The following SOWAHB variants were observed in gnomAD, a reference collection of about 807,000 sequenced individuals.
The protein encoded by SOWAHB is sosondowah ankyrin repeat domain family member B, also known as ankyrin repeat domain-containing protein SOWAHB.
A neutral mutation model predicts 18.3 loss-of-function variants in SOWAHB; 17 were observed. The ratio of observed to expected loss-of-function variants is 0.93; its 90% CI spans 0.64 to 1.40. The LOEUF (loss-of-function observed/expected upper bound fraction) is 1.40, where lower values mean the gene tolerates loss of function less well. Ranked by LOEUF, SOWAHB falls within the 40% of genes most tolerant of loss-of-function variation. SOWAHB has a pLI of 0.00. For missense variants in SOWAHB, 1,126 were observed against 1,033.7 expected (o/e 1.09, Z -1.22); for synonymous variants, 496 against 448.1 (o/e 1.11, Z -1.35).
chr4:76,896,532 CA>C lies in SOWAHB; in HGVS notation c.1317del (p.Gly441AlafsTer42). 6.2e-7 allele frequency: 1 copy of C among 1,613,078 alleles called. No individual in the cohort carries two copies. The highest frequency in any genetic ancestry group is 8.5e-7 in the Non-Finnish European group (1 of 1,179,862). On this transcript the variant is annotated frameshift_variant, in exon 1 of 1. Coordinates refer to ENST00000334306, the MANE Select transcript of SOWAHB (RefSeq NM_001029870.3). LOFTEE classifies it low-confidence loss of function (END_TRUNC). ...TPDRGKLRNP[A>X]GGLSVSRKEG... ...TCCTTCCGAGATACAGAAAGGCCCC[CA>C]GCTGGATTCCTGAGCTTCCCCCTAT... is the stretch of plus-strand genomic sequence containing the variant.
rs184286603 is a variant in SOWAHB at position 76,896,796 on chromosome 4, G to A, written c.1054C>T (p.Pro352Ser). Residue 352 changes from proline (P) to serine (S), a missense_variant, in exon 1 of 1, where the codon CCA becomes TCA. Pro to Ser is a moderately conservative substitution (Grantham distance 74). Transcript: ENST00000334306. Reference sequence around the variant, plus strand: ...GAGTGCGAGGAAAGACAGGGGTCTGGCGGCTCTGAATTAGGCTCCGTGGAG... The same window carrying A: ...GAGTGCGAGGAAAGACAGGGGTCTGACGGCTCTGAATTAGGCTCCGTGGAG... ...PGSTEPNSEPPDPCLSSHSLF... is the reference protein window; with the variant it reads ...PGSTEPNSEPSDPCLSSHSLF... 2 of 1,613,902 alleles carry A rather than the reference G, an allele frequency of 1.2e-6. No individual in the cohort carries two copies. The highest frequency in any genetic ancestry group is 2.7e-5 in the African/African-American group (2 of 75,074).
chr4:76,897,876 T>A lies in SOWAHB; in HGVS notation c.-27A>T. 6.4e-7 allele frequency: 1 copy of A among 1,570,520 alleles called. No individual in the cohort carries two copies. The highest frequency in any genetic ancestry group is 1.1e-5 in the South Asian group (1 of 88,718). On this transcript the variant is annotated 5_prime_UTR_variant, in exon 1 of 1. Transcript: ENST00000334306. This position sits in a 1 kb window ranked among gnomAD's most constrained non-coding sequence, Gnocchi z 6.4. ...GCTGCCTTGTCCTCCGCCCCAGAGG[T>A]GTCTGAGTCTCGCCCTCCCGGGGCT...
In SOWAHB at chr4:76,898,034, C is replaced by G. The variant is rs2703128; in HGVS notation, c.-185G>C. 0.3 allele frequency: 189,542 copies of G among 621,874 alleles called. 30,375 individuals carry two copies. Among genetic ancestry groups the G allele is most frequent in the African/African-American group, 0.45 (23,009 of 51,486 alleles). 38.5% of individuals were successfully genotyped at this position (621,874 alleles called of 1,614,324 possible). On this transcript the variant is annotated 5_prime_UTR_variant, in exon 1 of 1. Coordinates refer to ENST00000334306, the MANE Select transcript of SOWAHB (RefSeq NM_001029870.3). ...GCGCCAGGAGGGCCGTGGGTCCCCT[C>G]CGGGTGGCCCCAAGGCTGAGTCCCC...
Position 76,894,915 on chromosome 4 carries a change from A to G in SOWAHB, c.*553T>C, listed in dbSNP as rs1348284534. On this transcript the variant is annotated 3_prime_UTR_variant, in exon 1 of 1. Transcript: ENST00000334306. The stretch of plus-strand genomic sequence containing the variant: ...AGAACAGGGCTGAGGAATCTCTTAA[A>G]TCGAACTGTGCTCTCCAGTAATAAT... 6.6e-6 allele frequency: 1 copy of G among 152,320 alleles called. No individual in the cohort carries two copies. Among genetic ancestry groups the G allele is most frequent in the Non-Finnish European group, 1.5e-5 (1 of 68,114 alleles). The allele number at this position is 152,320 out of a possible 1,614,324, so 9.4% of individuals were successfully genotyped here.
rs761379601 is a variant in SOWAHB at position 76,894,422 on chromosome 4, A to G, written c.*1046T>C. Reference sequence around the variant, plus strand: ...AAAAGCAATTAAAAAGGAGCACTTCATGTTAGATATAGAGTACTTAAAGGC... The same window carrying G: ...AAAAGCAATTAAAAAGGAGCACTTCGTGTTAGATATAGAGTACTTAAAGGC... On this transcript the variant is annotated 3_prime_UTR_variant, in exon 1 of 1. Transcript: ENST00000334306. 1.3e-5 allele frequency among the ~76,000 whole-genome samples: 2 copies of G among 152,252 alleles called. No individual in the cohort carries two copies. Among genetic ancestry groups the G allele is most frequent in the Non-Finnish European group, 1.5e-5 (1 of 68,044 alleles).
chr4:76,895,322 G>A lies in SOWAHB; in HGVS notation c.*146C>T. On this transcript the variant is annotated 3_prime_UTR_variant, in exon 1 of 1. Coordinates refer to ENST00000334306, the MANE Select transcript of SOWAHB (RefSeq NM_001029870.3). ...GGATGACCCTCTTGAGGTCCAGGATGTAGTGACATAAGATCCAGGGAGGTC... is the reference window on the plus strand; with the variant it reads ...GGATGACCCTCTTGAGGTCCAGGATATAGTGACATAAGATCCAGGGAGGTC... 2.6e-6 allele frequency: 2 copies of A among 755,442 alleles called. No homozygotes were observed. Among genetic ancestry groups the A allele is most frequent in the Non-Finnish European group, 4.2e-6 (2 of 476,192 alleles). 46.8% of individuals were successfully genotyped at this position (755,442 alleles called of 1,614,324 possible). A position where few individuals can be genotyped will look rare whatever the true frequency, so the allele number is the denominator to read the frequency against.
Position 76,897,344 on chromosome 4 carries a change from T to G in SOWAHB, c.506A>C (p.Gln169Pro). 2 of 1,534,698 alleles carry G rather than the reference T, an allele frequency of 1.3e-6. No homozygotes were observed. Among genetic ancestry groups the G allele is most frequent in the South Asian group, 2.4e-5 (2 of 84,022 alleles). ...TGCAGCTGCGGGCACCGGCGGCCTC[T>G]GTCCGGGACTGCCCTTCGATCCGCC... The part of the protein sequence containing the change: ...KGGGSKGSPG[Q>P]RPPVPAAAAA... The change falls in exon 1 of 1, where the codon CAG becomes CCG. Residue 169 changes from glutamine to proline, a missense_variant. Transcript: ENST00000334306. This position sits in a 1 kb window ranked among gnomAD's most constrained non-coding sequence, Gnocchi z 6.4.
At position 76,895,559 on chromosome 4, in the gene SOWAHB, G is replaced by T; in HGVS notation, c.2291C>A (p.Ala764Glu). ...RSVTRKTSFAALLKSQHNKWK... is the reference protein window; with the variant it reads ...RSVTRKTSFAELLKSQHNKWK... ...CTTGTTGTGCTGACTTTTGAGTAGT[G>T]CAGCGAAGGAAGTTTTTCGGGTGAC... Residue 764 changes from alanine (A) to glutamate (E), a missense_variant, in exon 1 of 1, where the codon GCA (alanine) becomes GAA (glutamate). Transcript: ENST00000334306. 1 of 1,614,208 alleles carries T rather than the reference G, an allele frequency of 6.2e-7. No homozygotes were observed.
In SOWAHB at chr4:76,895,897, C is replaced by T; in HGVS notation, c.1953G>A (p.Val651=). The T allele has an allele frequency of 6.2e-7, 1 of 1,614,220 alleles. No homozygotes were observed. Residue 651 remains valine, a synonymous_variant, in exon 1 of 1, where the codon GTG becomes GTA. Transcript: ENST00000334306. ...CAATCCCTGCCTTCTTTGCTCCAGA[C>T]ACCAAGTCCTGAAGGGCCCTGAGGT... ...HGDLRALQDL[V]SGAKKAGIVL... is the part of the protein sequence containing the mutation.
chr4:76,897,675 C>T lies in SOWAHB; in HGVS notation c.175G>A (p.Ala59Thr), dbSNP rs904119851. The change falls in exon 1 of 1, where the codon GCC (alanine) becomes ACC (threonine). Residue 59 changes from alanine to threonine, a missense_variant. Ala to Thr is a moderately conservative substitution (Grantham distance 58). Coordinates refer to ENST00000334306, the MANE Select transcript of SOWAHB (RefSeq NM_001029870.3). This position sits in a 1 kb window ranked among gnomAD's most constrained non-coding sequence, Gnocchi z 6.4. ...CCGTCGGGGTCCTGGCGCACTGCGGCGACCGAGTTGACGAAGCCCTTGAAG... is the reference window on the plus strand; with the variant it reads ...CCGTCGGGGTCCTGGCGCACTGCGGTGACCGAGTTGACGAAGCCCTTGAAG... ...ELFKGFVNSV[A>T]AVRQDPDGTK... The T allele has an allele frequency of 3.7e-6, 6 of 1,612,254 alleles. No individual in the cohort carries two copies. Among genetic ancestry groups the T allele is most frequent in the Non-Finnish European group, 4.2e-6 (5 of 1,179,884 alleles).
In SOWAHB at chr4:76,896,802, C is replaced by G. The variant is rs373769722; in HGVS notation, c.1048G>C (p.Glu350Gln). 4 of 1,613,876 alleles carry G rather than the reference C, an allele frequency of 2.5e-6. No individual in the cohort carries two copies. The South Asian group carries it at 4.4e-5, about 18-fold the overall frequency. Reference protein sequence around the residue: ...LEPGSTEPNSEPPDPCLSSHS... With the variant: ...LEPGSTEPNSQPPDPCLSSHS... ...GAGGAAAGACAGGGGTCTGGCGGCT[C>G]TGAATTAGGCTCCGTGGAGCCGGGT... The change falls in exon 1 of 1, where the codon GAG (glutamate) becomes CAG (glutamine). Residue 350 changes from glutamate (E) to glutamine (Q), a missense_variant. Transcript: ENST00000334306.
chr4:76,898,124 C>A lies in SOWAHB; in HGVS notation c.-275G>T, dbSNP rs1719982540. 12 of 432,054 alleles carry A rather than the reference C, an allele frequency of 2.8e-5. No homozygotes were observed. The East Asian group carries it at 5.2e-4, about 19-fold the overall frequency. The allele number at this position is 432,054 out of a possible 1,614,324, so 26.8% of individuals were successfully genotyped here. A position where few individuals can be genotyped will look rare whatever the true frequency, so the allele number is the denominator to read the frequency against. ...CCTGCGCGACTCTAGCCTCTCGCAA[C>A]GAGTCCTCACAGCGAAAGTTCCCGG... On this transcript the variant is annotated 5_prime_UTR_variant, in exon 1 of 1. Coordinates refer to ENST00000334306, the MANE Select transcript of SOWAHB (RefSeq NM_001029870.3).
Position 76,897,892 on chromosome 4 carries a change from T to C in SOWAHB, c.-43A>G, listed in dbSNP as rs1292138863. 5 of 1,535,430 alleles carry C rather than the reference T, an allele frequency of 3.3e-6. No homozygotes were observed. In the South Asian group the frequency reaches 5.8e-5, roughly 18 times the overall value. On this transcript the variant is annotated 5_prime_UTR_variant, in exon 1 of 1. Transcript: ENST00000334306. The surrounding 1 kb of genome is among the most constrained non-coding windows in gnomAD (Gnocchi z 6.4). The stretch of plus-strand genomic sequence containing the variant: ...CCCCAGAGGTGTCTGAGTCTCGCCC[T>C]CCCGGGGCTCTCCCCAGCCAGAGGA...
rs149786130 is a variant in SOWAHB at position 76,896,367 on chromosome 4, A to G, written c.1483T>C (p.Ser495Pro). The G allele has an allele frequency of 7.5e-6, 12 of 1,597,226 alleles. No individual in the cohort carries two copies. In the African/African-American group the frequency reaches 1.6e-4, roughly 22 times the overall value. ...CCTGCCAGAGAGCTCCTCCTGAGGG[A>G]CCTCCTTAACTTAGGAACTGGCCAA... ...LPWPVPKLRR[S>P]LRRSSLAGRA... Residue 495 changes from serine (S) to proline (P), a missense_variant, in exon 1 of 1, where the codon TCC becomes CCC. Transcript: ENST00000334306.
chr4:76,895,456 G>A lies in SOWAHB; in HGVS notation c.*12C>T. ...GGGAGTGCTGCCTGCATGTTGGACA[G>A]AGAGACCCACCTCAGTCACTATACT... is the stretch of plus-strand genomic sequence containing the variant. On this transcript the variant is annotated 3_prime_UTR_variant, in exon 1 of 1. Coordinates refer to ENST00000334306, the MANE Select transcript of SOWAHB (RefSeq NM_001029870.3). The A allele has an allele frequency of 6.4e-7, 1 of 1,572,602 alleles. No individual in the cohort carries two copies. Among genetic ancestry groups the A allele is most frequent in the Non-Finnish European group, 8.6e-7 (1 of 1,158,368 alleles).
In SOWAHB at chr4:76,894,165, A is replaced by G. The variant is rs1212561444; in HGVS notation, c.*1303T>C. 6.6e-6 allele frequency among the ~76,000 whole-genome samples: 1 copy of G among 152,260 alleles called. No homozygotes were observed. The highest frequency in any genetic ancestry group is 1.9e-4 in the East Asian group (1 of 5,206). Reference sequence around the variant, plus strand: ...AATCAGCATAAGTATAATAAATTATAAAGATCTATTGATCTTTTAATGGGG... The same window carrying G: ...AATCAGCATAAGTATAATAAATTATGAAGATCTATTGATCTTTTAATGGGG... On this transcript the variant is annotated 3_prime_UTR_variant, in exon 1 of 1. Transcript: ENST00000334306.
rs145735308 is a variant in SOWAHB at position 76,896,401 on chromosome 4, C to A, written c.1449G>T (p.Lys483Asn). The change falls in exon 1 of 1, where the codon AAG (lysine) becomes AAT (asparagine). Residue 483 changes from lysine (K) to asparagine (N), a missense_variant. Lys to Asn is a moderately conservative substitution (Grantham distance 94). Coordinates refer to ENST00000334306, the MANE Select transcript of SOWAHB (RefSeq NM_001029870.3). Reference protein sequence around the residue: ...GANGLAGHPLKPLPWPVPKLR... With the variant: ...GANGLAGHPLNPLPWPVPKLR... ...ACTTAGGAACTGGCCAAGGCAAAGG[C>A]TTCAGGGGGTGGCCTGCAAGGCCAT... is the stretch of plus-strand genomic sequence containing the variant. 171 of 1,601,550 alleles carry A rather than the reference C, an allele frequency of 1.1e-4. No individual in the cohort carries two copies. Among genetic ancestry groups the A allele is most frequent in the Non-Finnish European group, 1.4e-4 (160 of 1,173,814 alleles).
chr4:76,897,741 G>T lies in SOWAHB; in HGVS notation c.109C>A (p.Pro37Thr). 6.2e-7 allele frequency: 1 copy of T among 1,609,134 alleles called. No individual in the cohort carries two copies. Residue 37 changes from proline to threonine, a missense_variant, in exon 1 of 1, where the codon CCC becomes ACC. By Grantham distance (38) the Pro-to-Thr change is conservative. Transcript: ENST00000334306. This position sits in a 1 kb window ranked among gnomAD's most constrained non-coding sequence, Gnocchi z 6.4. Reference protein sequence around the residue: ...LSHFKSFLRDPDASPSQHQHR... With the variant: ...LSHFKSFLRDTDASPSQHQHR... ...TGGTGCTGGCTGGGGGACGCGTCGG[G>T]GTCTCGGAGAAAGCTCTTGAAGTGG...
Position 76,895,753 on chromosome 4 carries a change from G to T in SOWAHB, c.2097C>A (p.Val699=). ...LVQRLASRVN[V]RDSSGKKPWQ... ...ATGGCTTCTTCCCACTGCTGTCCCT[G>T]ACATTTACCCGAGAAGCCAACCTTT... Residue 699 remains valine (V), a synonymous_variant, in exon 1 of 1, where the codon GTC becomes GTA. Transcript: ENST00000334306. 6.2e-7 allele frequency: 1 copy of T among 1,614,104 alleles called. No homozygotes were observed. The highest frequency in any genetic ancestry group is 2.2e-5 in the East Asian group (1 of 44,898).
Sources: gnomAD v4.1 joint callset for allele counts (sites outside exome capture counted in the v4.1 genomes callset) on GRCh38, gnomAD v4.1.1 for gene constraint, Gnocchi (gnomAD v3.1) non-coding constraint, MANE v1.5 for transcripts, NCBI Gene and HGNC (gene_info 2026-07-23, HGNC 2026-07-21) for gene names.